TMTC2: variants seen among roughly 807,000 people sequenced by gnomAD.
TMTC2 encodes transmembrane O-mannosyltransferase targeting cadherins 2, also known as protein O-mannosyl-transferase TMTC2.
A neutral mutation model predicts 82.4 loss-of-function variants in TMTC2; 43 were observed. That is an observed-to-expected ratio of 0.52 (90% CI 0.41 to 0.67). TMTC2 has a LOEUF of 0.67. Among genes scored for constraint, TMTC2 ranks in the 30% least tolerant of loss-of-function variants. TMTC2 has a pLI of 0.00. For synonymous variants in TMTC2, 408 were observed against 381.9 expected (o/e 1.07, Z -0.80); for missense variants, 919 against 1,012.4 (o/e 0.91, Z 1.25).
At chr12:82,996,556 G>C (rs75498678) in intron 8 of TMTC2, among the ~76,000 whole-genome samples, 3,060 of 152,260 alleles carry the variant, frequency 0.02, 52 homozygotes, top group Non-Finnish European at 0.031. Context: ...AATTCAGTCT[G>C]CATGGCAATA....
intron 8 of TMTC2, among the ~76,000 whole-genome samples, chr12:83,009,303 G>A (rs934933159): frequency 6.6e-6 from 1 of 152,082 alleles, no homozygotes; most frequent in African/African-American, 2.4e-5. Flanking sequence ...ACTTAGTCCG[G>A]TTCCTGAAAG....
chr12:82,957,572 T>C (rs950538880), intron 4 of TMTC2, among the ~76,000 whole-genome samples: 1 of 151,618 alleles, frequency 6.6e-6, no homozygotes, highest in African/African-American at 2.4e-5. Flanking sequence ...TCTAAAAGAA[T>C]CAATGAACCC....
chr12:82,715,867 G>A (rs1873871311), intron 1 of TMTC2, among the ~76,000 whole-genome samples: 4 of 152,142 alleles, frequency 2.6e-5, no homozygotes, highest in Admixed American at 2.6e-4. Flanking sequence ...GCTGTAAAAG[G>A]TTCCCTGTGA....
intron 1 of TMTC2, among the ~76,000 whole-genome samples, chr12:82,810,485 C>T (rs886911467): frequency 6.6e-6 from 1 of 151,480 alleles, no homozygotes; most frequent in Non-Finnish European, 1.5e-5. Context: ...GAAAACAAAA[C>T]AAACATTTTA....
At chr12:83,105,306 T>C (rs2137538213) in intron 11 of TMTC2, among the ~76,000 whole-genome samples, 1 of 152,250 alleles carries the variant, frequency 6.6e-6, no homozygotes, top group South Asian at 2.1e-4. Context: ...TCAGGTACCT[T>C]TATAGCAGTG....
intron 4 of TMTC2, among the ~76,000 whole-genome samples, chr12:82,954,302 C>T (rs1416722217): frequency 6.6e-6 from 1 of 152,118 alleles, no homozygotes; most frequent in African/African-American, 2.4e-5. Flanking sequence ...AGGAACTTCA[C>T]CTCACCTGTT....
At chr12:83,122,268 C>A (rs7955011) in intron 11 of TMTC2, among the ~76,000 whole-genome samples, 1 of 151,428 alleles carries the variant, frequency 6.6e-6, no homozygotes, top group East Asian at 1.9e-4. Context: ...AAGCAAGTGT[C>A]GCTTTCCTTC....
At chr12:82,851,833 C>T (rs1269723372) in intron 1 of TMTC2, among the ~76,000 whole-genome samples, 5 of 151,556 alleles carry the variant, frequency 3.3e-5, no homozygotes, top group African/African-American at 1.2e-4. Context: ...AGAATCTAAG[C>T]GTCATTCCTG....
At chr12:82,980,752 C>A in intron 7 of TMTC2, among the ~76,000 whole-genome samples, 1 of 151,808 alleles carries the variant, frequency 6.6e-6, no homozygotes, top group East Asian at 1.9e-4. Flanking sequence ...ATTTGTTGTC[C>A]GCATGTCAGT....
intron 4 of TMTC2, among the ~76,000 whole-genome samples, chr12:82,936,824 G>A (rs1876345194): frequency 6.6e-6 from 1 of 151,956 alleles, no homozygotes; most frequent in Non-Finnish European, 1.5e-5. Context: ...AGCTTCTTGG[G>A]GTAGTGACAT....
chr12:82,725,456 T>C (rs1177251086), intron 1 of TMTC2, among the ~76,000 whole-genome samples: 2 of 152,238 alleles, frequency 1.3e-5, no homozygotes, highest in South Asian at 2.1e-4. Context: ...GTCTACAAGA[T>C]TCTTATTTCC....
At chr12:83,096,292 C>T (rs1257615149) in intron 11 of TMTC2, among the ~76,000 whole-genome samples, 2 of 152,246 alleles carry the variant, frequency 1.3e-5, no homozygotes, top group Non-Finnish European at 2.9e-5. Flanking sequence ...TGAAGTCCTT[C>T]ACTTGGCCTT....
chr12:83,088,524 C>G (rs1391968133), intron 11 of TMTC2, among the ~76,000 whole-genome samples: 1 of 152,154 alleles, frequency 6.6e-6, no homozygotes, highest in Non-Finnish European at 1.5e-5. Flanking sequence ...TACTTGAACA[C>G]TTAGAGACCA....
chr12:82,997,320 G>GTC lies in TMTC2; in HGVS notation c.2070+11275_2070+11276insCT, dbSNP rs1361051713. Among the ~76,000 whole-genome samples, 56 of 71,942 alleles carry GTC rather than the reference G, an allele frequency of 7.8e-4. 4 individuals carry two copies. The highest frequency in any genetic ancestry group is 2.8e-3 in the African/African-American group (50 of 18,106). The allele number at this position is 71,942 out of a possible 152,430, so 47.2% of individuals were successfully genotyped here. A position where few individuals can be genotyped will look rare whatever the true frequency, so the allele number is the denominator to read the frequency against. On this transcript the variant is annotated intron_variant, in intron 8 of 11. Transcript: ENST00000321196. ...ATTTGCCTGGACTGTGTGTGTGTGT[G>GTC]TGTCTGTGTGTGTGTGTGTGTGTGT...
At chr12:83,001,360 C>T (rs974625403) in intron 8 of TMTC2, among the ~76,000 whole-genome samples, 1 of 151,998 alleles carries the variant, frequency 6.6e-6, no homozygotes, top group African/African-American at 2.4e-5. Flanking sequence ...CCTTAGGGCC[C>T]AGCACGGTGG....
chr12:83,011,502 G>A (rs1409799145), intron 8 of TMTC2, among the ~76,000 whole-genome samples: 1 of 152,134 alleles, frequency 6.6e-6, no homozygotes, highest in Non-Finnish European at 1.5e-5. Flanking sequence ...TGTTATCATT[G>A]TTATTTATGT....
chr12:82,975,810 T>C (rs1266459391), intron 7 of TMTC2, among the ~76,000 whole-genome samples: 1 of 152,126 alleles, frequency 6.6e-6, no homozygotes, highest in African/African-American at 2.4e-5. Flanking sequence ...AACTCCTGTT[T>C]CTCTGAATAC....
intron 9 of TMTC2, among the ~76,000 whole-genome samples, chr12:83,039,770 T>A (rs2137437586): frequency 6.6e-6 from 1 of 152,368 alleles, no homozygotes; most frequent in South Asian, 2.1e-4. Flanking sequence ...GATGGTATGA[T>A]GACATTCTAT....
intron 8 of TMTC2, among the ~76,000 whole-genome samples, chr12:83,024,589 A>G (rs1881081431): frequency 6.6e-6 from 1 of 152,186 alleles, no homozygotes; most frequent in African/African-American, 2.4e-5. Flanking sequence ...TTCCTTCCCC[A>G]GACTTGAAGC....
Sources: allele counts gnomAD v4.1 joint callset (sites outside exome capture counted in the v4.1 genomes callset), GRCh38; gene constraint gnomAD v4.1.1; transcripts MANE v1.5; gene names NCBI Gene and HGNC (gene_info 2026-07-23, HGNC 2026-07-21).